The following NR2C1 variants were observed in gnomAD, a reference collection of about 807,000 sequenced individuals.
The protein encoded by NR2C1 is TR2 nuclear hormone receptor.
In NR2C1, 33 loss-of-function variants were observed where a neutral mutation model predicts 74.8. That is an observed-to-expected ratio of 0.44 (90% CI 0.33 to 0.59). The LOEUF (loss-of-function observed/expected upper bound fraction) is 0.59. Ranked by LOEUF, NR2C1 falls within the 20% of genes least tolerant of loss-of-function variation. The probability of loss-of-function intolerance (pLI) is 0.02; values close to 1 mark genes in which losing one functional copy is unlikely to be tolerated. For missense variants in NR2C1, 568 were observed against 715.6 expected (o/e 0.79, Z 2.35); for synonymous variants, 225 against 240.6 (o/e 0.94, Z 0.60).
intron 1 of NR2C1, among the ~76,000 whole-genome samples, chr12:95,071,280 A>C (rs1876560029): frequency 6.6e-6 from 1 of 152,088 alleles, no homozygotes; most frequent in Non-Finnish European, 1.5e-5. Context: ...TATTTTGTAG[A>C]CTAAGGTTGT....
Position 95,063,072 on chromosome 12 carries a change from T to A in NR2C1, c.55-334A>T, listed in dbSNP as rs183554287. ...GAATAAAACAAAACTTTTGCCTTCATGAAGCTTTTATTTTAGTGGGGAAAG... is the reference window on the plus strand; with the variant it reads ...GAATAAAACAAAACTTTTGCCTTCAAGAAGCTTTTATTTTAGTGGGGAAAG... On this transcript the variant is annotated intron_variant, in intron 2 of 13. Coordinates refer to ENST00000333003, the MANE Select transcript of NR2C1 (RefSeq NM_003297.4). Among the ~76,000 whole-genome samples the A allele has an allele frequency of 1.9e-3, 293 of 152,356 alleles. 3 individuals carry two copies. The highest frequency in any genetic ancestry group is 6.8e-3 in the African/African-American group (283 of 41,590).
chr12:95,060,754 A>G (rs111375411), intron 3 of NR2C1, among the ~76,000 whole-genome samples: 3 of 152,242 alleles, frequency 2.0e-5, no homozygotes, highest in Admixed American at 6.5e-5. Context: ...TGAAATGTGA[A>G]CAAATAAATT....
intron 1 of NR2C1, 138 bp downstream of exon 1, chr12:95,073,242 A>T (rs1175092110): frequency 6.6e-6 from 1 of 152,228 alleles, no homozygotes; most frequent in East Asian, 1.9e-4. Context: ...GGCGCTCCCA[A>T]ACTGAACGGC....
intron 2 of NR2C1, among the ~76,000 whole-genome samples, chr12:95,065,247 A>C (rs1320490074): frequency 6.6e-6 from 1 of 151,890 alleles, no homozygotes; most frequent in Non-Finnish European, 1.5e-5. Context: ...CAGTGGTGCG[A>C]TCTCGGCTCA....
At chr12:95,069,773 T>A (rs1876311525) in intron 1 of NR2C1, among the ~76,000 whole-genome samples, 1 of 152,188 alleles carries the variant, frequency 6.6e-6, no homozygotes, top group South Asian at 2.1e-4. Flanking sequence ...CATCCATCCA[T>A]GCATCTATGC....
chr12:95,038,245 G>A (rs760283049), intron 10 of NR2C1, among the ~76,000 whole-genome samples: 3 of 152,066 alleles, frequency 2.0e-5, no homozygotes, highest in Non-Finnish European at 2.9e-5. Context: ...CAACATCTGC[G>A]TTATTTCCAT....
At position 95,036,531 on chromosome 12, in the gene NR2C1, A is replaced by ATT. The variant is rs1402224486; in HGVS notation, c.1253+3944_1253+3945insAA. ...GGTTTACTTTTTTTTTTTTTTTTGA[A>ATT]GGAGAGTCTCACTCTGTCACCCAGG... is the stretch of plus-strand genomic sequence containing the variant. On this transcript the variant is annotated intron_variant, in intron 10 of 13. Transcript: ENST00000333003. 9.6e-3 allele frequency among the ~76,000 whole-genome samples: 1,437 copies of ATT among 149,020 alleles called. 26 individuals are homozygous for ATT. Among genetic ancestry groups the ATT allele is most frequent in the African/African-American group, 0.034 (1,365 of 40,314 alleles).
rs142358922 is a variant in NR2C1 at position 95,032,012 on chromosome 12, C to A, written c.1254-524G>T. 9.0e-4 allele frequency among the ~76,000 whole-genome samples: 137 copies of A among 152,272 alleles called. 1 individual carries two copies. The highest frequency in any genetic ancestry group is 7.7e-4 in the East Asian group (4 of 5,178). On this transcript the variant is annotated intron_variant, in intron 10 of 13. Transcript: ENST00000333003. ...CCTCCTCAGTAGCTGGGATTACAGG[C>A]ATGCACCACCACATGTGGCTAATTT... is the stretch of plus-strand genomic sequence containing the variant.
chr12:95,029,270 G>A lies in NR2C1; in HGVS notation c.1394-746C>T, dbSNP rs2136098153. Among the ~76,000 whole-genome samples, 2 of 151,750 alleles carry A rather than the reference G, an allele frequency of 1.3e-5. 1 individual carries two copies. ...CTAAATTTTGTATTTTAGTAGAGAT[G>A]GGGTTTCACCATGTTGGCCAGGCTG... On this transcript the variant is annotated intron_variant, in intron 11 of 13. Coordinates refer to ENST00000333003, the MANE Select transcript of NR2C1 (RefSeq NM_003297.4).
intron 13 of NR2C1, among the ~76,000 whole-genome samples, chr12:95,024,308 A>G (rs541999590): frequency 7.6e-4 from 116 of 152,338 alleles, no homozygotes; most frequent in African/African-American, 2.5e-3. Flanking sequence ...TAACTGATTT[A>G]ATCCTTAAAA....
intron 9 of NR2C1, among the ~76,000 whole-genome samples, chr12:95,047,554 C>T (rs17023612): frequency 0.068 from 10,279 of 152,128 alleles, 519 homozygotes; most frequent in African/African-American, 0.14. Context: ...GCACTCATAA[C>T]TTCTACTGGT....
chr12:95,029,793 A>C (rs1869833694), intron 11 of NR2C1, among the ~76,000 whole-genome samples: 1 of 152,088 alleles, frequency 6.6e-6, no homozygotes, highest in Non-Finnish European at 1.5e-5. Context: ...TCCTGACCTC[A>C]TGATCCACCC....
At chr12:95,025,307 A>G in intron 12 of NR2C1, 52 bp from the exon 13 acceptor site, 1 of 922,516 alleles carries the variant, frequency 1.1e-6, no homozygotes, top group Middle Eastern at 2.4e-4. Flanking sequence ...TTCATTTAAG[A>G]CAGAGTGGAT....
At chr12:95,071,851 C>T (rs1288213829) in intron 1 of NR2C1, among the ~76,000 whole-genome samples, 2 of 151,374 alleles carry the variant, frequency 1.3e-5, no homozygotes, top group Non-Finnish European at 2.9e-5. Flanking sequence ...CGGGTTCAAG[C>T]AATTCTCCTG....
In NR2C1 at chr12:95,044,434, A is replaced by AT. The variant is rs57195159; in HGVS notation, c.1132-3838dup. On this transcript the variant is annotated intron_variant, in intron 9 of 13. Coordinates refer to ENST00000333003, the MANE Select transcript of NR2C1 (RefSeq NM_003297.4). ...AGGTGCCCGCCACCACACCCGGCTA[A>AT]TTTTTTTTTTTTTTTGTATTTTTAG... Among the ~76,000 whole-genome samples the AT allele has an allele frequency of 3.9e-3, 551 of 141,558 alleles. 1 individual carries two copies. The highest frequency in any genetic ancestry group is 8.8e-3 in the African/African-American group (340 of 38,702). The allele number at this position is 141,558 out of a possible 152,430, so 92.9% of individuals were successfully genotyped here. A position where few individuals can be genotyped will look rare whatever the true frequency, so the allele number is the denominator to read the frequency against.
intron 8 of NR2C1, among the ~76,000 whole-genome samples, chr12:95,049,713 A>G (rs7971079): frequency 0.26 from 39,986 of 152,116 alleles, 5,634 homozygotes; most frequent in Non-Finnish European, 0.27. Flanking sequence ...AAAGTTACTT[A>G]GAACAAGGGT....
At chr12:95,042,673 A>C (rs1871720093) in intron 9 of NR2C1, among the ~76,000 whole-genome samples, 1 of 152,226 alleles carries the variant, frequency 6.6e-6, no homozygotes, top group Admixed American at 6.5e-5. Context: ...CCTATTTATA[A>C]ATTGTACCAA....
intron 1 of NR2C1, among the ~76,000 whole-genome samples, chr12:95,070,628 T>A (rs780217340): frequency 3.9e-4 from 60 of 152,318 alleles, no homozygotes; most frequent in Non-Finnish European, 6.8e-4. Flanking sequence ...GAACGACTTA[T>A]CCTTATTCTC....
intron 3 of NR2C1, 45 bp from the exon 4 acceptor site, chr12:95,060,029 T>C (rs1404302959): frequency 1.4e-6 from 2 of 1,436,918 alleles, no homozygotes; most frequent in East Asian, 4.7e-5. Flanking sequence ...CGAAAACCTG[T>C]TGTTACTCAA....
Sources: allele counts gnomAD v4.1 joint callset (sites outside exome capture counted in the v4.1 genomes callset), GRCh38; gene constraint gnomAD v4.1.1; transcripts MANE v1.5; gene names NCBI Gene and HGNC (gene_info 2026-07-23, HGNC 2026-07-21).